CELF2: variants seen among roughly 807,000 people sequenced by gnomAD.
The protein encoded by CELF2 is CUGBP Elav-like family member 2.
Under a neutral mutation model 62.6 loss-of-function variants are expected in CELF2, and 8 were observed. The ratio of observed to expected loss-of-function variants is 0.13; its 90% CI spans 0.07 to 0.23. The LOEUF is 0.23. Ranked by LOEUF, CELF2 falls within the 10% of genes least tolerant of loss-of-function variation. The probability of loss-of-function intolerance (pLI) is 1.00; values close to 1 mark genes in which losing one functional copy is unlikely to be tolerated. For missense variants in CELF2, 333 were observed against 671.0 expected, an observed-to-expected ratio of 0.50 and a Z score of 5.56; for synonymous variants, 258 against 250.0, an observed-to-expected ratio of 1.03 and a Z score of -0.30.
chr10:10,696,677 C>T, the CELF2 span, among the ~76,000 whole-genome samples: 15 of 152,122 alleles, frequency 9.9e-5, no homozygotes, highest in Admixed American at 2.0e-4. Context: ...TAGGACCCTC[C>T]GAGCCAGGTG....
Position 11,165,438 on chromosome 10 carries a change from CCCTCATCGTG to C in CELF2, c.75-45_75-36del. 6.4e-7 allele frequency: 1 copy of C among 1,568,340 alleles called. No individual in the cohort carries two copies. Among genetic ancestry groups the C allele is most frequent in the Middle Eastern group, 1.7e-4 (1 of 5,838 alleles). On this transcript the variant is annotated intron_variant, in intron 1 of 12. Coordinates refer to ENST00000633077, the MANE Select transcript of CELF2 (RefSeq NM_001326342.2). The surrounding 1 kb of genome is among the most constrained non-coding windows in gnomAD (Gnocchi z 7.4). ...CACCCCCACTATTTTTTCTTCCTGT[CCCTCATCGTG>C]CCGCCCTAACTCTGGCTCCCGGTTC... is the stretch of plus-strand genomic sequence containing the variant.
the CELF2 span, among the ~76,000 whole-genome samples, chr10:10,696,727 C>G: frequency 6.6e-6 from 1 of 152,138 alleles, no homozygotes; most frequent in Non-Finnish European, 1.5e-5. Flanking sequence ...TTAAGCCCAT[C>G]GGAAAAGCGC....
chr10:11,284,878 G>A (rs1488206049), intron 8 of CELF2, among the ~76,000 whole-genome samples: 3 of 149,866 alleles, frequency 2.0e-5, no homozygotes, highest in South Asian at 2.1e-4. Flanking sequence ...ATGGATAGTT[G>A]GGTAGATGTG....
chr10:10,831,646 A>T (rs1458991141), intron 1 of CELF2, among the ~76,000 whole-genome samples: 1 of 152,234 alleles, frequency 6.6e-6, no homozygotes, highest in East Asian at 1.9e-4. Context: ...GGAGACCAGT[A>T]CAATGCCTGG....
the CELF2 span, among the ~76,000 whole-genome samples, chr10:10,610,625 A>C: frequency 6.6e-6 from 1 of 152,208 alleles, no homozygotes; most frequent in Non-Finnish European, 1.5e-5. Flanking sequence ...AGTTTAAAGA[A>C]AGCGGGTTTT....
chr10:10,866,030 C>T (rs189749013), intron 1 of CELF2, among the ~76,000 whole-genome samples: 147 of 152,116 alleles, frequency 9.7e-4, no homozygotes, highest in African/African-American at 3.4e-3. Flanking sequence ...TCCTGGTCCT[C>T]GGGCTTTCAT....
chr10:11,307,705 G>A (rs1049317066), intron 9 of CELF2, among the ~76,000 whole-genome samples: 1 of 152,182 alleles, frequency 6.6e-6, no homozygotes, highest in East Asian at 1.9e-4. Context: ...TTTGCCTCCA[G>A]TTGTTTTGTG....
chr10:10,622,944 G>A, the CELF2 span, among the ~76,000 whole-genome samples: 1 of 151,832 alleles, frequency 6.6e-6, no homozygotes, highest in Non-Finnish European at 1.5e-5. Flanking sequence ...GTAGCCGGGC[G>A]TGGTGGCGGG....
At chr10:10,595,816 AGCCCAGGGG>A in the CELF2 span, among the ~76,000 whole-genome samples, 1 of 152,180 alleles carries the variant, frequency 6.6e-6, no homozygotes, top group Non-Finnish European at 1.5e-5. Context: ...AAATTGCTTG[AGCCCAGGGG>A]GTGGAGGTTG....
At chr10:10,967,328 T>C (rs2050224378) in intron 2 of CELF2, among the ~76,000 whole-genome samples, 3 of 152,202 alleles carry the variant, frequency 2.0e-5, no homozygotes, top group South Asian at 2.1e-4. Flanking sequence ...GGTCACTATA[T>C]AGGAGAAACT....
chr10:10,481,852 C>G, the CELF2 span, among the ~76,000 whole-genome samples: 1 of 152,122 alleles, frequency 6.6e-6, no homozygotes, highest in African/African-American at 2.4e-5. Flanking sequence ...TAATTATTCA[C>G]TGGCAGAAAC....
At chr10:10,721,488 A>T in the CELF2 span, among the ~76,000 whole-genome samples, 2 of 152,196 alleles carry the variant, frequency 1.3e-5, no homozygotes, top group Non-Finnish European at 2.9e-5. Flanking sequence ...TTTGGAACAA[A>T]ATAATACTTC....
chr10:11,321,505 T>C lies in CELF2; in HGVS notation c.1294+119T>C. ...CATGTCATAACAGAAAGCAGTTGTT[T>C]TGTTATTCATGTTTAAAAAAAAAAA... On this transcript the variant is annotated intron_variant, in intron 11 of 12. Coordinates refer to ENST00000633077, the MANE Select transcript of CELF2 (RefSeq NM_001326342.2). The surrounding 1 kb of genome is among the most constrained non-coding windows in gnomAD (Gnocchi z 6.2). 1.2e-6 allele frequency: 1 copy of C among 810,498 alleles called. No individual in the cohort carries two copies. Among genetic ancestry groups the C allele is most frequent in the Non-Finnish European group, 1.9e-6 (1 of 539,164 alleles). 50.2% of individuals were successfully genotyped at this position (810,498 alleles called of 1,614,324 possible).
the CELF2 span, among the ~76,000 whole-genome samples, chr10:10,732,692 T>G: frequency 6.6e-6 from 1 of 151,982 alleles, no homozygotes; most frequent in African/African-American, 2.4e-5. Context: ...CCTGGCTAGT[T>G]TTTGTATTTT....
chr10:10,567,488 C>G, the CELF2 span, among the ~76,000 whole-genome samples: 3 of 152,174 alleles, frequency 2.0e-5, no homozygotes, highest in East Asian at 5.8e-4. Context: ...GGCAGAGAAG[C>G]AGAATGGGGC....
In CELF2 at chr10:11,223,244, G is replaced by C. The variant is rs2065439833; in HGVS notation, c.354+5737G>C. Reference sequence around the variant, plus strand: ...CACAGTCAGGCCTGAGCGGGGCACTGCCTGAGGAGCTTCCTGAGCCATGAG... The same window carrying C: ...CACAGTCAGGCCTGAGCGGGGCACTCCCTGAGGAGCTTCCTGAGCCATGAG... On this transcript the variant is annotated intron_variant, in intron 3 of 12. Transcript: ENST00000633077. The surrounding 1 kb of genome is among the most constrained non-coding windows in gnomAD (Gnocchi z 5.1). Among the ~76,000 whole-genome samples the C allele has an allele frequency of 6.6e-6, 1 of 152,226 alleles. No individual in the cohort carries two copies. The highest frequency in any genetic ancestry group is 1.5e-5 in the Non-Finnish European group (1 of 68,042).
At chr10:11,216,870 C>T (rs1188307523) in intron 2 of CELF2, among the ~76,000 whole-genome samples, 3 of 152,262 alleles carry the variant, frequency 2.0e-5, no homozygotes, top group African/African-American at 7.2e-5. Context: ...TACAGTCTTC[C>T]GTATTGGCAA....
the CELF2 span, among the ~76,000 whole-genome samples, chr10:10,704,353 T>C: frequency 6.6e-6 from 1 of 152,200 alleles, no homozygotes; most frequent in Non-Finnish European, 1.5e-5. Flanking sequence ...AAGATTATAA[T>C]GCACAATGGG....
chr10:10,694,555 C>T, the CELF2 span, among the ~76,000 whole-genome samples: 4,610 of 152,048 alleles, frequency 0.03, 181 homozygotes, highest in African/African-American at 0.092. Flanking sequence ...GAGTTCAATT[C>T]CTGGGTATCC....
Sources: gnomAD v4.1 joint callset for allele counts (sites outside exome capture counted in the v4.1 genomes callset) on GRCh38, gnomAD v4.1.1 for gene constraint, Gnocchi (gnomAD v3.1) non-coding constraint, MANE v1.5 for transcripts, NCBI Gene and HGNC (gene_info 2026-07-23, HGNC 2026-07-21) for gene names.